Variants in CYP7B1 observed in about 807,000 individuals in gnomAD.
CYP7B1 encodes the protein cytochrome P450 family 7 subfamily B member 1.
In CYP7B1, 29 loss-of-function variants were observed where a neutral mutation model predicts 42.7. The ratio of observed to expected loss-of-function variants is 0.68; its 90% confidence interval spans 0.51 to 0.93. The LOEUF (loss-of-function observed/expected upper bound fraction) is 0.93, where lower values mean the gene tolerates loss of function less well. Among genes scored for constraint, CYP7B1 ranks in the 40% least tolerant of loss-of-function variants. CYP7B1 has a pLI of 0.00. For missense variants in CYP7B1, 655 were observed against 600.5 expected, an observed-to-expected ratio of 1.09 and a Z score of -0.95; for synonymous variants, 235 against 218.2, an observed-to-expected ratio of 1.08 and a Z score of -0.68.
intron 1 of CYP7B1, among the ~76,000 whole-genome samples, chr8:64,726,419 T>C (rs1036530960): frequency 6.6e-6 from 1 of 152,150 alleles, no homozygotes; most frequent in Non-Finnish European, 1.5e-5. Context: ...ATGAACCCAG[T>C]TACAAAAAGT....
chr8:64,798,383 A>AGG, intron 1 of CYP7B1, 83 bp downstream of exon 1: 1 of 1,417,338 alleles, frequency 7.1e-7, no homozygotes, highest in Non-Finnish European at 9.1e-7. Flanking sequence ...GAAATCATGG[A>AGG]GGGGGACTCC....
At chr8:64,671,191 T>C (rs143483324) in intron 1 of CYP7B1, among the ~76,000 whole-genome samples, 1 of 152,202 alleles carries the variant, frequency 6.6e-6, no homozygotes, top group East Asian at 1.9e-4. Flanking sequence ...CCTCCATGTA[T>C]ACACAAAATA....
rs1282813684 is a variant in CYP7B1 at position 64,594,569 on chromosome 8, G to A, written c.*2073C>T. Among the ~76,000 whole-genome samples, 1 of 152,146 alleles carries A rather than the reference G, an allele frequency of 6.6e-6. No individual in the cohort carries two copies. The highest frequency in any genetic ancestry group is 1.5e-5 in the Non-Finnish European group (1 of 68,022). ...GGGTATTAGGGACAAAACAGAATAAGTAAATAAAGCCAGAGGGACCTTATT... is the reference window on the plus strand; with the variant it reads ...GGGTATTAGGGACAAAACAGAATAAATAAATAAAGCCAGAGGGACCTTATT... On this transcript the variant is annotated 3_prime_UTR_variant, in exon 6 of 6. Coordinates refer to ENST00000310193, the MANE Select transcript of CYP7B1 (RefSeq NM_004820.5).
chr8:64,669,123 A>C (rs1192803190), intron 1 of CYP7B1, among the ~76,000 whole-genome samples: 2 of 152,174 alleles, frequency 1.3e-5, no homozygotes, highest in Admixed American at 1.3e-4. Context: ...CAGAGAAAAT[A>C]AGTTAAAAAA....
At chr8:64,688,368 C>T (rs568600362) in intron 1 of CYP7B1, among the ~76,000 whole-genome samples, 2 of 152,216 alleles carry the variant, frequency 1.3e-5, no homozygotes, top group African/African-American at 4.8e-5. Flanking sequence ...TCCTTCTTTC[C>T]TTCCTTCCTC....
At chr8:64,698,506 T>G (rs1806865903) in intron 1 of CYP7B1, among the ~76,000 whole-genome samples, 1 of 152,202 alleles carries the variant, frequency 6.6e-6, no homozygotes, top group African/African-American at 2.4e-5. Context: ...AAGAACATCT[T>G]CAGGCTGTGC....
chr8:64,644,736 C>T (rs1453363599), intron 1 of CYP7B1, among the ~76,000 whole-genome samples: 1 of 152,062 alleles, frequency 6.6e-6, no homozygotes, highest in East Asian at 1.9e-4. Context: ...TTATCGTGCA[C>T]ATGTAGAGTA....
At chr8:64,664,232 C>T (rs1806242511) in intron 1 of CYP7B1, among the ~76,000 whole-genome samples, 1 of 152,160 alleles carries the variant, frequency 6.6e-6, no homozygotes, top group Non-Finnish European at 1.5e-5. Context: ...TGAGATCAGA[C>T]CTGTCTATTT....
chr8:64,684,131 A>T (rs1440241059), intron 1 of CYP7B1, among the ~76,000 whole-genome samples: 1 of 152,244 alleles, frequency 6.6e-6, no homozygotes, highest in African/African-American at 2.4e-5. Context: ...TCTGACCACG[A>T]AAGTGGGTAA....
intron 4 of CYP7B1, among the ~76,000 whole-genome samples, chr8:64,609,006 G>A (rs1473775735): frequency 6.6e-6 from 1 of 152,086 alleles, no homozygotes; most frequent in Non-Finnish European, 1.5e-5. Flanking sequence ...GGAGCACTGG[G>A]CCACTGCTGC....
chr8:64,794,181 A>T (rs1304581864), intron 1 of CYP7B1, among the ~76,000 whole-genome samples: 1 of 152,186 alleles, frequency 6.6e-6, no homozygotes, highest in South Asian at 2.1e-4. Context: ...CTGGCAATCA[A>T]GGAGAAAAAT....
At chr8:64,716,850 T>C (rs1380263211) in intron 1 of CYP7B1, among the ~76,000 whole-genome samples, 1 of 152,246 alleles carries the variant, frequency 6.6e-6, no homozygotes, top group African/African-American at 2.4e-5. Context: ...GATAGTATGG[T>C]CCAAATCAAC....
intron 1 of CYP7B1, among the ~76,000 whole-genome samples, chr8:64,733,217 G>T (rs1015227807): frequency 6.6e-6 from 1 of 152,164 alleles, no homozygotes; most frequent in Non-Finnish European, 1.5e-5. Flanking sequence ...GTGCTAAAAA[G>T]AAAATGTAAG....
chr8:64,723,550 G>A (rs1167553560), intron 1 of CYP7B1, among the ~76,000 whole-genome samples: 4 of 152,172 alleles, frequency 2.6e-5, no homozygotes. Context: ...AGACAGTCAA[G>A]ATTTGTAAAA....
chr8:64,637,296 C>A (rs1228354581), intron 1 of CYP7B1, among the ~76,000 whole-genome samples: 2 of 152,160 alleles, frequency 1.3e-5, no homozygotes, highest in Non-Finnish European at 2.9e-5. Flanking sequence ...CCTGAGGCCC[C>A]ATATGCTATA....
At position 64,594,365 on chromosome 8, in the gene CYP7B1, T is replaced by C. The variant is rs1805086579; in HGVS notation, c.*2277A>G. Among the ~76,000 whole-genome samples the C allele has an allele frequency of 6.6e-6, 1 of 152,186 alleles. No individual in the cohort carries two copies. Reference sequence around the variant, plus strand: ...ATATAGTAGTATACTATGTATATACTACAGAAATATGAATATATCTTTAAA... The same window carrying C: ...ATATAGTAGTATACTATGTATATACCACAGAAATATGAATATATCTTTAAA... On this transcript the variant is annotated 3_prime_UTR_variant, in exon 6 of 6. Transcript: ENST00000310193.
intron 1 of CYP7B1, among the ~76,000 whole-genome samples, chr8:64,656,708 G>T (rs767579274): frequency 2.0e-5 from 3 of 152,156 alleles, no homozygotes; most frequent in African/African-American, 4.8e-5. Flanking sequence ...ACCTGAAAAA[G>T]AAGCCCAATT....
At chr8:64,708,730 A>G (rs897650539) in intron 1 of CYP7B1, among the ~76,000 whole-genome samples, 17 of 152,226 alleles carry the variant, frequency 1.1e-4, no homozygotes, top group Admixed American at 6.6e-5. Flanking sequence ...TTGAGTGTAT[A>G]TAATACACGC....
At chr8:64,651,263 A>G (rs903408764) in intron 1 of CYP7B1, among the ~76,000 whole-genome samples, 6 of 152,264 alleles carry the variant, frequency 3.9e-5, no homozygotes, top group African/African-American at 1.2e-4. Context: ...TCCCAAGACT[A>G]CACTGCAGAA....
Sources: allele counts gnomAD v4.1 joint callset (sites outside exome capture counted in the v4.1 genomes callset), GRCh38; gene constraint gnomAD v4.1.1; transcripts MANE v1.5; gene names NCBI Gene and HGNC (gene_info 2026-07-23, HGNC 2026-07-21).